The following UST variants were observed in gnomAD, a reference collection of about 807,000 sequenced individuals.
The protein encoded by UST is chondroitin sulfate 2-O-sulfotransferase.
UST carries 21 observed loss-of-function variants against 45.6 expected under a neutral mutation model. The observed-to-expected ratio is 0.46, with a 90% CI of 0.33 to 0.66. The LOEUF (loss-of-function observed/expected upper bound fraction) is 0.66. Ranked by LOEUF, UST falls within the 30% of genes least tolerant of loss-of-function variation. The pLI, the probability that UST is intolerant of heterozygous loss-of-function variation, is 0.02. For synonymous variants in UST, 215 were observed against 200.6 expected (o/e 1.07, Z -0.61); for missense variants, 463 against 512.4 (o/e 0.90, Z 0.93).
chr6:148,924,620 T>C lies in UST; in HGVS notation c.292-16659T>C, dbSNP rs201820086. Among the ~76,000 whole-genome samples, 12 of 152,216 alleles carry C rather than the reference T, an allele frequency of 7.9e-5. No individual in the cohort carries two copies. In the East Asian group the frequency reaches 2.3e-3, roughly 29 times the overall value. ...CAGAGCAATGCCCTTGTCCCAATTG[T>C]ATCCCCAGATACGTTAGTGTGGGGG... On this transcript the variant is annotated intron_variant, in intron 2 of 7. Coordinates refer to ENST00000367463, the MANE Select transcript of UST (RefSeq NM_005715.3).
At chr6:148,802,021 G>A (rs1410568979) in intron 1 of UST, among the ~76,000 whole-genome samples, 2 of 152,204 alleles carry the variant, frequency 1.3e-5, no homozygotes, top group Non-Finnish European at 2.9e-5. Context: ...ATACCTCACA[G>A]ACCCTTAATA....
chr6:149,062,460 G>A (rs936573733), intron 7 of UST, among the ~76,000 whole-genome samples: 19 of 152,182 alleles, frequency 1.2e-4, no homozygotes, highest in Admixed American at 1.3e-4. Flanking sequence ...GCCAGGCATG[G>A]AGCTGGACAC....
rs1312029625 is a variant in UST, at chr6:148,780,086, T to TAC, written c.247+32410_247+32411insCA. 1.5e-3 allele frequency among the ~76,000 whole-genome samples: 219 copies of TAC among 142,338 alleles called. 2 individuals are homozygous for TAC. The highest frequency in any genetic ancestry group is 1.6e-3 in the Admixed American group (23 of 14,550). 93.4% of individuals were successfully genotyped at this position (142,338 alleles called of 152,430 possible). A position where few individuals can be genotyped will look rare whatever the true frequency, so the allele number is the denominator to read the frequency against. ...ATACAAATACATGTGTGTGTATATA[T>TAC]ATACACACACACACACACAAATACA... On this transcript the variant is annotated intron_variant, in intron 1 of 7. Transcript: ENST00000367463.
At chr6:149,016,662 C>T (rs1775902492) in intron 5 of UST, among the ~76,000 whole-genome samples, 1 of 152,208 alleles carries the variant, frequency 6.6e-6, no homozygotes, top group Admixed American at 6.5e-5. Context: ...ATGAGAGCCT[C>T]TGTAGGAGGC....
intron 1 of UST, among the ~76,000 whole-genome samples, chr6:148,795,150 T>A (rs1776922929): frequency 6.6e-6 from 1 of 152,238 alleles, no homozygotes; most frequent in Non-Finnish European, 1.5e-5. Context: ...TTTTTCATCA[T>A]GGAAAATTAA....
At chr6:148,776,111 T>C (rs1225425520) in intron 1 of UST, among the ~76,000 whole-genome samples, 1 of 152,184 alleles carries the variant, frequency 6.6e-6, no homozygotes, top group Non-Finnish European at 1.5e-5. Flanking sequence ...TTATTTTGGC[T>C]GAATTAATAG....
At chr6:149,045,619 G>T (rs1168784590) in intron 7 of UST, among the ~76,000 whole-genome samples, 3 of 152,144 alleles carry the variant, frequency 2.0e-5, no homozygotes, top group East Asian at 1.9e-4. Context: ...ACTGGAAGGT[G>T]CCAGGAAGCC....
In UST at chr6:148,790,987, C is replaced by T. The variant is rs917438955; in HGVS notation, c.247+43310C>T. Among the ~76,000 whole-genome samples the T allele has an allele frequency of 6.6e-5, 10 of 152,228 alleles. No homozygotes were observed. The highest frequency in any genetic ancestry group is 2.2e-4 in the African/African-American group (9 of 41,458). On this transcript the variant is annotated intron_variant, in intron 1 of 7. Transcript: ENST00000367463. The surrounding 1 kb of genome is among the most constrained non-coding windows in gnomAD (Gnocchi z 4.2). ...AAAGGTGCACGCGTTAGTGAAACCTCGCAACACATCAGTGACCAGGGTTAC... is the reference window on the plus strand; with the variant it reads ...AAAGGTGCACGCGTTAGTGAAACCTTGCAACACATCAGTGACCAGGGTTAC...
intron 1 of UST, among the ~76,000 whole-genome samples, chr6:148,769,447 G>A (rs1776378318): frequency 6.6e-6 from 1 of 152,222 alleles, no homozygotes; most frequent in Non-Finnish European, 1.5e-5. Context: ...AAAACATTGG[G>A]CTTCAAATCA....
intron 5 of UST, among the ~76,000 whole-genome samples, chr6:148,981,636 T>C (rs186805944): frequency 6.6e-6 from 1 of 152,354 alleles, no homozygotes; most frequent in African/African-American, 2.4e-5. Context: ...GTCTGACACA[T>C]AATAAGAGCT....
chr6:148,958,753 A>AT (rs1780581184), intron 4 of UST, among the ~76,000 whole-genome samples: 1 of 152,160 alleles, frequency 6.6e-6, no homozygotes, highest in South Asian at 2.1e-4. Context: ...CTAAGCTTGT[A>AT]TTTTTTGGGG....
At chr6:148,914,860 A>C (rs1380920962) in intron 2 of UST, among the ~76,000 whole-genome samples, 1 of 152,240 alleles carries the variant, frequency 6.6e-6, no homozygotes, top group South Asian at 2.1e-4. Context: ...ATAAAAGATT[A>C]TGTCTTTCAG....
intron 2 of UST, among the ~76,000 whole-genome samples, chr6:148,929,357 C>T (rs1345985669): frequency 6.6e-6 from 1 of 152,122 alleles, no homozygotes; most frequent in Non-Finnish European, 1.5e-5. Context: ...AAGTTTAGAC[C>T]AAACCAATGG....
chr6:148,890,674 G>T (rs756977052), intron 2 of UST, among the ~76,000 whole-genome samples: 6 of 152,092 alleles, frequency 3.9e-5, no homozygotes, highest in Non-Finnish European at 7.4e-5. Context: ...TCCTCATTCT[G>T]TCCAATATTT....
intron 7 of UST, among the ~76,000 whole-genome samples, chr6:149,048,676 G>A (rs1304521698): frequency 1.3e-5 from 2 of 151,972 alleles, no homozygotes; most frequent in Non-Finnish European, 2.9e-5. Flanking sequence ...AAAACATGAA[G>A]CATTTTTTAC....
At chr6:148,939,056 A>G (rs974043122) in intron 2 of UST, among the ~76,000 whole-genome samples, 1 of 152,248 alleles carries the variant, frequency 6.6e-6, no homozygotes, top group East Asian at 1.9e-4. Context: ...ATATAGAAAA[A>G]TCAATCGTAT....
At chr6:148,978,166 T>G (rs965160371) in intron 5 of UST, among the ~76,000 whole-genome samples, 2 of 152,194 alleles carry the variant, frequency 1.3e-5, no homozygotes, top group African/African-American at 4.8e-5. Flanking sequence ...TAAAATTATA[T>G]CCCCAGGTGA....
chr6:148,757,651 G>A (rs906677928), intron 1 of UST, among the ~76,000 whole-genome samples: 2 of 152,172 alleles, frequency 1.3e-5, no homozygotes, highest in East Asian at 1.9e-4. Flanking sequence ...ATTAATAGAT[G>A]ATTTAAATAA....
At chr6:149,040,321 TC>T (rs1183354020) in intron 7 of UST, among the ~76,000 whole-genome samples, 1 of 152,204 alleles carries the variant, frequency 6.6e-6, no homozygotes, top group African/African-American at 2.4e-5. Context: ...TTGTATTTTT[TC>T]CTGCAAAATG....
Sources: gnomAD v4.1 joint callset for allele counts (sites outside exome capture counted in the v4.1 genomes callset) on GRCh38, gnomAD v4.1.1 for gene constraint, Gnocchi (gnomAD v3.1) non-coding constraint, MANE v1.5 for transcripts, NCBI Gene and HGNC (gene_info 2026-07-23, HGNC 2026-07-21) for gene names.